PIP5K1C: variants seen among roughly 807,000 people sequenced by gnomAD.
PIP5K1C encodes the protein phosphatidylinositol-4-phosphate 5-kinase type 1 gamma, also known as phosphatidylinositol 4-phosphate 5-kinase type-1 gamma.
Under a neutral mutation model 80.1 loss-of-function variants are expected in PIP5K1C, and 45 were observed. The ratio of observed to expected loss-of-function variants is 0.56; its 90% CI spans 0.44 to 0.72. PIP5K1C has a LOEUF of 0.72. Ranked by LOEUF, PIP5K1C falls within the 30% of genes least tolerant of loss-of-function variation. The probability of loss-of-function intolerance (pLI) is 0.00; values close to 1 mark genes in which losing one functional copy is unlikely to be tolerated. For synonymous variants in PIP5K1C, 498 were observed against 420.1 expected (o/e 1.19, Z -2.27); for missense variants, 753 against 954.6 (o/e 0.79, Z 2.78).
chr19:3,686,700 A>G (rs2035771469), intron 1 of PIP5K1C, among the ~76,000 whole-genome samples: 1 of 151,972 alleles, frequency 6.6e-6, no homozygotes, highest in Non-Finnish European at 1.5e-5. Flanking sequence ...CCTGGGCAAC[A>G]GGAGCGAAAC....
In PIP5K1C at chr19:3,688,732, A is replaced by AAG. The variant is rs140253409; in HGVS notation, c.94+11563_94+11564dup. On this transcript the variant is annotated intron_variant, in intron 1 of 17. Coordinates refer to ENST00000335312, the MANE Select transcript of PIP5K1C (RefSeq NM_012398.3). This position sits in a 1 kb window ranked among gnomAD's most constrained non-coding sequence, Gnocchi z 5.3. ...TTGCTCAAACAGGACTGAGAGCGGA[A>AAG]AGAGAGAGAGAGAGAGGAGAGTGGG... is the stretch of plus-strand genomic sequence containing the variant. Among the ~76,000 whole-genome samples the AAG allele has an allele frequency of 1.3e-4, 20 of 150,482 alleles. No homozygotes were observed. The highest frequency in any genetic ancestry group is 2.9e-4 in the African/African-American group (12 of 41,174).
In PIP5K1C at chr19:3,696,053, C is replaced by T. The variant is rs1404848510; in HGVS notation, c.94+4244G>A. On this transcript the variant is annotated intron_variant, in intron 1 of 17. Transcript: ENST00000335312. This position sits in a 1 kb window ranked among gnomAD's most constrained non-coding sequence, Gnocchi z 4.1. ...GCCTCCCTGACCTTTTTACACAGAC[C>T]ACCACAGCTACAGGGAGGCCCTGGT... Among the ~76,000 whole-genome samples, 4 of 152,108 alleles carry T rather than the reference C, an allele frequency of 2.6e-5. No individual in the cohort carries two copies. In the East Asian group the frequency reaches 7.7e-4, roughly 29 times the overall value.
intron 8 of PIP5K1C, chr19:3,649,928 A>G: frequency 3.8e-6 from 1 of 262,526 alleles, no homozygotes; most frequent in Non-Finnish European, 7.5e-6. Context: ...TCCTGAAGCC[A>G]CTGGGACCCA....
At chr19:3,660,937 T>G (rs761874555) in intron 5 of PIP5K1C, 29 bp downstream of exon 5, 1 of 1,560,176 alleles carries the variant, frequency 6.4e-7, no homozygotes, top group South Asian at 1.1e-5. Flanking sequence ...GTTTCAAGCC[T>G]GGAAGCCCGT....
chr19:3,663,089 C>T (rs1323721516), intron 3 of PIP5K1C, among the ~76,000 whole-genome samples: 1 of 152,236 alleles, frequency 6.6e-6, no homozygotes, highest in Non-Finnish European at 1.5e-5. Flanking sequence ...TGGTCTCCAA[C>T]TCCTGACCTC....
At chr19:3,654,083 C>A (rs1451883157) in intron 6 of PIP5K1C, among the ~76,000 whole-genome samples, 1 of 152,224 alleles carries the variant, frequency 6.6e-6, no homozygotes, top group African/African-American at 2.4e-5. Flanking sequence ...CTCACTGCAG[C>A]CTCCACCTCC....
rs776652470 is a variant in PIP5K1C, at chr19:3,651,809, GC to G, written c.1127+16del. On this transcript the variant is annotated intron_variant, in intron 8 of 17. Transcript: ENST00000335312. ...GAAGGGAAGCGGGACGGGTCCGGCGGCCCCCCGCCCACCTACGTGTCATCCG... is the reference window on the plus strand; with the variant it reads ...GAAGGGAAGCGGGACGGGTCCGGCGGCCCCCGCCCACCTACGTGTCATCCG... 1.9e-6 allele frequency: 3 copies of G among 1,607,338 alleles called. No homozygotes were observed. The highest frequency in any genetic ancestry group is 1.7e-6 in the Non-Finnish European group (2 of 1,176,872).
At chr19:3,653,167 T>G in intron 7 of PIP5K1C, 123 bp downstream of exon 7, 1 of 818,110 alleles carries the variant, frequency 1.2e-6, no homozygotes, top group Non-Finnish European at 1.9e-6. Flanking sequence ...TGGGGCCTGC[T>G]GTAGGCTGCA....
chr19:3,657,094 T>A (rs1171405968), intron 5 of PIP5K1C, among the ~76,000 whole-genome samples: 1 of 152,174 alleles, frequency 6.6e-6, no homozygotes, highest in Non-Finnish European at 1.5e-5. Flanking sequence ...AGCTCTGGGA[T>A]GGAAGCTGCA....
intron 6 of PIP5K1C, among the ~76,000 whole-genome samples, chr19:3,655,548 T>G (rs2034594138): frequency 6.6e-6 from 1 of 152,258 alleles, no homozygotes; most frequent in Non-Finnish European, 1.5e-5. Context: ...GCCCATCCAT[T>G]CTCATGTGGT....
At chr19:3,698,285 C>T (rs551747444) in intron 1 of PIP5K1C, among the ~76,000 whole-genome samples, 3 of 152,362 alleles carry the variant, frequency 2.0e-5, no homozygotes, top group South Asian at 2.1e-4. Context: ...CTAGCACACA[C>T]GGTCATCACC....
intron 1 of PIP5K1C, among the ~76,000 whole-genome samples, chr19:3,681,545 T>C (rs775704989): frequency 1.1e-4 from 16 of 152,072 alleles, no homozygotes; most frequent in Non-Finnish European, 2.1e-4. Context: ...TTTTGTCTTT[T>C]GTTTGAAGTT....
In PIP5K1C at chr19:3,651,974, C is replaced by T; in HGVS notation, c.979G>A (p.Asp327Asn). Residue 327 changes from aspartate to asparagine, a missense_variant, in exon 8 of 18, where the codon GAC becomes AAC. By Grantham distance (23) the Asp-to-Asn change is conservative. This residue lies in a region of PIP5K1C where 105 missense variants were observed against 133.4 expected (regional missense o/e 0.79). Transcript: ENST00000335312. ...GCCTGCCGCTCGCGCTCGTGCTGGT[C>T]GATGTTGTGCACGCCCAGCAGCAGG... is the stretch of plus-strand genomic sequence containing the variant. The part of the protein sequence containing the change: ...YSLLLGVHNI[D>N]QHERERQAQG... 6 of 1,613,092 alleles carry T rather than the reference C, an allele frequency of 3.7e-6. No homozygotes were observed. Among genetic ancestry groups the T allele is most frequent in the South Asian group, 1.1e-5 (1 of 91,060 alleles).
At chr19:3,633,967 C>T (rs948958235) in intron 16 of PIP5K1C, among the ~76,000 whole-genome samples, 5 of 152,164 alleles carry the variant, frequency 3.3e-5, no homozygotes, top group African/African-American at 9.7e-5. Context: ...GTCGGGGTGC[C>T]GGACCTACTT....
intron 12 of PIP5K1C, among the ~76,000 whole-genome samples, chr19:3,643,584 A>T (rs375225774): frequency 4.0e-5 from 6 of 151,688 alleles, no homozygotes; most frequent in African/African-American, 1.5e-4. Flanking sequence ...AATAGAATCC[A>T]GACAGCCCAG....
Position 3,653,604 on chromosome 19 carries a change from G to C in PIP5K1C, c.622-15C>G. Reference sequence around the variant, plus strand: ...TGGTTGAGGTTCTGCCGGGGGAAGAGGGCAAGTCGTGGAGGGCGGCTGGGC... The same window carrying C: ...TGGTTGAGGTTCTGCCGGGGGAAGACGGCAAGTCGTGGAGGGCGGCTGGGC... On this transcript the variant is annotated splice_polypyrimidine_tract_variant and intron_variant, in intron 6 of 17. Coordinates refer to ENST00000335312, the MANE Select transcript of PIP5K1C (RefSeq NM_012398.3). 1.2e-6 allele frequency: 2 copies of C among 1,601,504 alleles called. No homozygotes were observed. The highest frequency in any genetic ancestry group is 1.7e-6 in the Non-Finnish European group (2 of 1,171,662).
rs145192608 is a variant in PIP5K1C, at chr19:3,651,941, C to A, written c.1012G>T (p.Ala338Ser). The A allele has an allele frequency of 3.1e-6, 5 of 1,612,758 alleles. No homozygotes were observed. The highest frequency in any genetic ancestry group is 1.1e-5 in the South Asian group (1 of 91,084). ...CGCTTCTCATCTGAGGTGCTCTGGG[C>A]GCCCTGCGCCTGCCGCTCGCGCTCG... Reference protein sequence around the residue: ...QHERERQAQGAQSTSDEKRPV... With the variant: ...QHERERQAQGSQSTSDEKRPV... The change falls in exon 8 of 18, where the codon GCC (alanine) becomes TCC (serine). Residue 338 changes from alanine to serine, a missense_variant. Transcript: ENST00000335312.
Position 3,656,391 on chromosome 19 carries a change from G to C in PIP5K1C, c.621+14C>G. On this transcript the variant is annotated intron_variant, in intron 6 of 17. Coordinates refer to ENST00000335312, the MANE Select transcript of PIP5K1C (RefSeq NM_012398.3). Reference sequence around the variant, plus strand: ...GACCGAGGAGCCATCTGCCCCGCAGGGCGGGCCACGCACCATGTAGTAGCC... The same window carrying C: ...GACCGAGGAGCCATCTGCCCCGCAGCGCGGGCCACGCACCATGTAGTAGCC... 6.2e-7 allele frequency: 1 copy of C among 1,612,676 alleles called. No individual in the cohort carries two copies. The highest frequency in any genetic ancestry group is 1.1e-5 in the South Asian group (1 of 91,072).
intron 1 of PIP5K1C, among the ~76,000 whole-genome samples, chr19:3,694,379 A>G (rs1200670027): frequency 6.6e-6 from 1 of 152,046 alleles, no homozygotes; most frequent in African/African-American, 2.4e-5. Context: ...TGCTCACCCC[A>G]CATCGGCACA....
Sources: allele counts gnomAD v4.1 joint callset (sites outside exome capture counted in the v4.1 genomes callset), GRCh38; gene constraint gnomAD v4.1.1; regional missense constraint gnomAD v4.1.1; non-coding constraint Gnocchi (gnomAD v3.1); transcripts MANE v1.5; gene names NCBI Gene and HGNC (gene_info 2026-07-23, HGNC 2026-07-21).